HEXB: variants seen among roughly 807,000 people sequenced by gnomAD.
HEXB encodes beta-hexosaminidase subunit beta.
In HEXB, 51 loss-of-function variants were observed where a neutral mutation model predicts 71.2. The observed-to-expected ratio is 0.72, with a 90% CI of 0.57 to 0.90. HEXB has a LOEUF of 0.90. HEXB is among the 40% of genes least tolerant of loss of function. The probability of loss-of-function intolerance (pLI) is 0.00; values close to 1 mark genes in which losing one functional copy is unlikely to be tolerated. For synonymous variants in HEXB, 266 were observed against 249.3 expected, an observed-to-expected ratio of 1.07 and a Z score of -0.63; for missense variants, 617 against 677.0, an observed-to-expected ratio of 0.91 and a Z score of 0.98.
intron 5 of HEXB, among the ~76,000 whole-genome samples, chr5:74,700,915 C>T (rs1409689908): frequency 6.6e-6 from 1 of 152,084 alleles, no homozygotes; most frequent in African/African-American, 2.4e-5. Flanking sequence ...ACCATGTTGG[C>T]CAGGCTGATC....
At chr5:74,710,315 AC>A (rs1016131420) in intron 6 of HEXB, among the ~76,000 whole-genome samples, 7 of 151,482 alleles carry the variant, frequency 4.6e-5, no homozygotes, top group Non-Finnish European at 7.4e-5. Context: ...TCTATGACAA[AC>A]CCCCAGCCAA....
At chr5:74,716,488 T>TG (rs1749675731) in intron 8 of HEXB, 99 bp from the exon 9 acceptor site, 4 of 703,644 alleles carry the variant, frequency 5.7e-6, no homozygotes, top group Non-Finnish European at 1.0e-5. Context: ...CTTTAATAGT[T>TG]TTAAGTCTGC....
upstream of HEXB, among the ~76,000 whole-genome samples, chr5:74,681,211 C>G (rs576409756): frequency 2.4e-4 from 37 of 152,250 alleles, no homozygotes; most frequent in South Asian, 6.0e-3. Context: ...GTGATTATTA[C>G]TTAGACTAAT....
intron 1 of HEXB, among the ~76,000 whole-genome samples, chr5:74,649,608 A>G (rs6869778): frequency 0.17 from 25,293 of 152,154 alleles, 2,767 homozygotes; most frequent in African/African-American, 0.31. Flanking sequence ...CCTGGCACAT[A>G]CCCAGTGGAT....
At chr5:74,694,824 G>A (rs547079929) in intron 3 of HEXB, among the ~76,000 whole-genome samples, 42 of 151,586 alleles carry the variant, frequency 2.8e-4, no homozygotes, top group African/African-American at 9.7e-4. Flanking sequence ...AAAAAAATGA[G>A]CCAGGCATGG....
At chr5:74,648,251 T>C (rs1748037032) in intron 1 of HEXB, among the ~76,000 whole-genome samples, 2 of 152,226 alleles carry the variant, frequency 1.3e-5, no homozygotes, top group Admixed American at 1.3e-4. Flanking sequence ...TGCATTGCCT[T>C]AAGAAAATTA....
In HEXB at chr5:74,652,703, G is replaced by T. The variant is rs560458449; in HGVS notation, c.-377+12145G>T. Reference sequence around the variant, plus strand: ...CCAAGTTCCAAAGTGTTCTTGAGCAGCCAAAAGTCAGGGATAGAGGCTCAT... The same window carrying T: ...CCAAGTTCCAAAGTGTTCTTGAGCATCCAAAAGTCAGGGATAGAGGCTCAT... On this transcript the variant is annotated intron_variant, in intron 1 of 13. Transcript: ENST00000511181. The surrounding 1 kb of genome is among the most constrained non-coding windows in gnomAD (Gnocchi z 5.4). Among the ~76,000 whole-genome samples the T allele has an allele frequency of 5.3e-5, 8 of 152,162 alleles. No individual in the cohort carries two copies. The highest frequency in any genetic ancestry group is 2.6e-4 in the Admixed American group (4 of 15,292).
rs543565208 is a variant in HEXB, at chr5:74,719,117, T to C, written c.1417+146T>C. On this transcript the variant is annotated intron_variant, in intron 11 of 13. Transcript: ENST00000261416. ...ACCTAGATATTACCTACCAACTATC[T>C]TTTATGTTTGATCCTTGATTTTATG... 8.1e-5 allele frequency: 61 copies of C among 748,882 alleles called. No individual in the cohort carries two copies. The South Asian group carries it at 8.9e-4, about 11-fold the overall frequency. 46.4% of individuals were successfully genotyped at this position (748,882 alleles called of 1,614,324 possible). A position where few individuals can be genotyped will look rare whatever the true frequency, so the allele number is the denominator to read the frequency against.
In HEXB at chr5:74,721,163, T is replaced by C. The variant is rs751546872; in HGVS notation, c.1659T>C (p.His553=). The change falls in exon 14 of 14, where the codon CAT becomes CAC. Residue 553 remains histidine, a synonymous_variant. Transcript: ENST00000261416. ...CTCTTTATGCTGGATATTGTAACCATGAGAACATGTAAAAAATGGAGGGGA... is the reference window on the plus strand; with the variant it reads ...CTCTTTATGCTGGATATTGTAACCACGAGAACATGTAAAAAATGGAGGGGA... ...AQPLYAGYCN[H]ENM The C allele has an allele frequency of 6.2e-7, 1 of 1,612,668 alleles. No homozygotes were observed. The highest frequency in any genetic ancestry group is 8.5e-7 in the Non-Finnish European group (1 of 1,178,860).
chr5:74,699,089 A>G (rs1435774855), intron 5 of HEXB, among the ~76,000 whole-genome samples: 1 of 152,004 alleles, frequency 6.6e-6, no homozygotes, highest in Non-Finnish European at 1.5e-5. Context: ...GGAGGCTGAG[A>G]CACAAAATCG....
chr5:74,713,958 A>T (rs1170624424), intron 7 of HEXB, among the ~76,000 whole-genome samples: 2 of 152,218 alleles, frequency 1.3e-5, no homozygotes, highest in African/African-American at 2.4e-5. Flanking sequence ...CTCCTGCCTC[A>T]GCCTACTGAG....
Position 74,664,448 on chromosome 5 carries a change from A to AAAAAAAAAAAAAAAC in HEXB, c.-377+23895_-377+23896insAAAAAAAAACAAAAA, listed in dbSNP as rs756960235. Among the ~76,000 whole-genome samples, 84 of 126,628 alleles carry AAAAAAAAAAAAAAAC rather than the reference A, an allele frequency of 6.6e-4. 6 individuals carry two copies. The highest frequency in any genetic ancestry group is 9.1e-4 in the Non-Finnish European group (55 of 60,306). The allele number at this position is 126,628 out of a possible 152,430, so 83.1% of individuals were successfully genotyped here. On this transcript the variant is annotated intron_variant, in intron 1 of 13. Transcript: ENST00000511181. Reference sequence around the variant, plus strand: ...CTATCTCTAAAAAAAAAAAAAAAAAAAAAAACAGAGAGAGAGAGAATACTG... The same window carrying AAAAAAAAAAAAAAAC: ...CTATCTCTAAAAAAAAAAAAAAAAAAAAAAAAAAAAAAAACAAAAACAGAGAGAGAGAGAATACTG...
At chr5:74,703,238 C>T (rs1377904264) in intron 5 of HEXB, among the ~76,000 whole-genome samples, 3 of 152,238 alleles carry the variant, frequency 2.0e-5, no homozygotes, top group East Asian at 3.8e-4. Flanking sequence ...CAGGCGTGAG[C>T]CACTGTGCCC....
intron 5 of HEXB, among the ~76,000 whole-genome samples, chr5:74,700,662 G>C (rs1371257234): frequency 6.6e-6 from 1 of 151,894 alleles, no homozygotes; most frequent in Non-Finnish European, 1.5e-5. Context: ...TTCTAAATTT[G>C]TTTTAATAAC....
intron 5 of HEXB, among the ~76,000 whole-genome samples, chr5:74,703,487 G>A (rs1201281661): frequency 1.3e-5 from 2 of 152,186 alleles, no homozygotes; most frequent in Admixed American, 6.5e-5. Flanking sequence ...GGCTCTAGGT[G>A]TGCTCATTGC....
At chr5:74,709,172 CA>C (rs1749478421) in intron 6 of HEXB, among the ~76,000 whole-genome samples, 1 of 152,202 alleles carries the variant, frequency 6.6e-6, no homozygotes, top group Admixed American at 6.5e-5. Flanking sequence ...GGAAACTGAA[CA>C]ACCTGCTCCT....
chr5:74,674,561 G>A (rs541431064), intron 1 of HEXB, among the ~76,000 whole-genome samples: 5 of 144,076 alleles, frequency 3.5e-5, no homozygotes, highest in Middle Eastern at 4.1e-3. Flanking sequence ...CTGAGATTGC[G>A]CCACTGCACT....
At chr5:74,677,431 T>C (rs917982938) in intron 1 of HEXB, among the ~76,000 whole-genome samples, 15 of 151,810 alleles carry the variant, frequency 9.9e-5, no homozygotes, top group African/African-American at 3.4e-4. Context: ...CAGATTCTAT[T>C]GGGGCAGGAC....
chr5:74,671,744 T>C (rs1748543963), intron 1 of HEXB, among the ~76,000 whole-genome samples: 1 of 152,222 alleles, frequency 6.6e-6, no homozygotes, highest in African/African-American at 2.4e-5. Context: ...TTGCTGATTC[T>C]TTTCTAATAG....
Sources: gnomAD v4.1 joint callset for allele counts (sites outside exome capture counted in the v4.1 genomes callset) on GRCh38, gnomAD v4.1.1 for gene constraint, Gnocchi (gnomAD v3.1) non-coding constraint, MANE v1.5 for transcripts, NCBI Gene and HGNC (gene_info 2026-07-23, HGNC 2026-07-21) for gene names.